REPS1: variants seen among roughly 807,000 people sequenced by gnomAD.
REPS1 encodes the protein ralBP1-associated Eps domain-containing protein 1.
A neutral mutation model predicts 100.9 loss-of-function variants in REPS1; 39 were observed. The observed-to-expected ratio is 0.39, with a 90% confidence interval of 0.30 to 0.50. The LOEUF (loss-of-function observed/expected upper bound fraction) is 0.50. Ranked by LOEUF, REPS1 falls within the 20% of genes least tolerant of loss-of-function variation. The pLI is 0.86. For synonymous variants in REPS1, 324 were observed against 340.3 expected (o/e 0.95, Z 0.53); for missense variants, 821 against 968.5 (o/e 0.85, Z 2.02).
chr6:138,984,241 A>C (rs937975034), intron 1 of REPS1, among the ~76,000 whole-genome samples: 1 of 151,792 alleles, frequency 6.6e-6, no homozygotes, highest in African/African-American at 2.4e-5. Context: ...GCGCCACCAC[A>C]TGCGGCTAAT....
At position 138,947,905 on chromosome 6, in the gene REPS1, C is replaced by G; in HGVS notation, c.162G>C (p.Glu54Asp). Reference sequence around the variant, plus strand: ...AACCAAGTCTTGTTGCACCACAAAGCTCCATGATCTATAAAATAACATAAT... The same window carrying G: ...AACCAAGTCTTGTTGCACCACAAAGGTCCATGATCTATAAAATAACATAAT... ...LPNDVVLQIMELCGATRLGYF... is the reference protein window; with the variant it reads ...LPNDVVLQIMDLCGATRLGYF... Residue 54 changes from glutamate (E) to aspartate (D), a missense_variant, in exon 2 of 20, where the codon GAG (glutamate) becomes GAC (aspartate). Physicochemically the swap from Glu to Asp is conservative, Grantham distance 45 (BLOSUM62 2). This residue lies in a region of REPS1 where 28 missense variants were observed against 65.3 expected (regional missense o/e 0.43). Coordinates refer to ENST00000450536, the MANE Select transcript of REPS1 (RefSeq NM_001286611.2). The G allele has an allele frequency of 1.3e-6, 2 of 1,590,532 alleles. No homozygotes were observed. The highest frequency in any genetic ancestry group is 1.7e-6 in the Non-Finnish European group (2 of 1,173,386).
intron 1 of REPS1, among the ~76,000 whole-genome samples, chr6:138,966,438 T>C (rs972847024): frequency 5.9e-5 from 9 of 152,136 alleles, no homozygotes; most frequent in African/African-American, 2.2e-4. Context: ...ATGACAAGCA[T>C]TAACTGTGCA....
At chr6:138,978,494 A>T (rs1429330403) in intron 1 of REPS1, among the ~76,000 whole-genome samples, 1 of 148,528 alleles carries the variant, frequency 6.7e-6, no homozygotes. Context: ...TTTTTTTTAC[A>T]GGCAGGGGTC....
chr6:138,941,525 C>A, intron 7 of REPS1, 36 bp from the exon 8 acceptor site: 1 of 1,575,672 alleles, frequency 6.3e-7, no homozygotes, highest in South Asian at 1.1e-5. Context: ...TAATCACATT[C>A]CGCTTTGGAT....
intron 6 of REPS1, 78 bp downstream of exon 6, chr6:138,943,775 A>G: frequency 7.7e-7 from 1 of 1,301,944 alleles, no homozygotes; most frequent in Non-Finnish European, 1.1e-6. Flanking sequence ...TCTATGACCA[A>G]TAAAACAATG....
chr6:138,917,768 T>C lies in REPS1; in HGVS notation c.1529-141A>G, dbSNP rs1257599901. 3 of 598,914 alleles carry C rather than the reference T, an allele frequency of 5.0e-6. No homozygotes were observed. In the African/African-American group the frequency reaches 5.6e-5, roughly 11 times the overall value. The allele number at this position is 598,914 out of a possible 1,614,324, so 37.1% of individuals were successfully genotyped here. Reference sequence around the variant, plus strand: ...CTAATAGGCTAACAGTTCATCCTAGTGTTATTAACTGTAAAAAATTAACTA... The same window carrying C: ...CTAATAGGCTAACAGTTCATCCTAGCGTTATTAACTGTAAAAAATTAACTA... On this transcript the variant is annotated intron_variant, in intron 12 of 19. Coordinates refer to ENST00000450536, the MANE Select transcript of REPS1 (RefSeq NM_001286611.2).
At chr6:138,913,707 T>C (rs1225525057) in intron 15 of REPS1, among the ~76,000 whole-genome samples, 1 of 152,254 alleles carries the variant, frequency 6.6e-6, no homozygotes, top group Non-Finnish European at 1.5e-5. Context: ...TACTACGATA[T>C]GGACAGCTTC....
At chr6:138,912,717 TG>T in intron 16 of REPS1, 47 bp downstream of exon 16, 1 of 1,551,544 alleles carries the variant, frequency 6.4e-7, no homozygotes, top group African/African-American at 1.4e-5. Context: ...CAACATGGTA[TG>T]GGAAGTGACT....
chr6:138,925,790 A>G (rs1781079133), intron 10 of REPS1, among the ~76,000 whole-genome samples: 1 of 152,220 alleles, frequency 6.6e-6, no homozygotes, highest in Admixed American at 6.5e-5. Flanking sequence ...AATTAACTCT[A>G]TGGGGACAGA....
At chr6:138,914,908 G>T in intron 14 of REPS1, 147 bp from the exon 15 acceptor site, 2 of 687,280 alleles carry the variant, frequency 2.9e-6, no homozygotes, top group Non-Finnish European at 4.9e-6. Context: ...TTGTTACATG[G>T]TCTGTATGTA....
intron 1 of REPS1, among the ~76,000 whole-genome samples, chr6:138,967,112 G>A (rs79414881): frequency 0.037 from 5,623 of 152,294 alleles, 333 homozygotes; most frequent in African/African-American, 0.13. Flanking sequence ...CCGCTCCTGC[G>A]CATGCAATTG....
At chr6:138,972,305 G>A (rs1784384705) in intron 1 of REPS1, among the ~76,000 whole-genome samples, 1 of 152,094 alleles carries the variant, frequency 6.6e-6, no homozygotes, top group Non-Finnish European at 1.5e-5. Context: ...AATAGATAAA[G>A]AACAAGTAAA....
At position 138,925,163 on chromosome 6, in the gene REPS1, T is replaced by C. The variant is rs548667389; in HGVS notation, c.1338+1238A>G. On this transcript the variant is annotated intron_variant, in intron 10 of 19. Transcript: ENST00000450536. The stretch of plus-strand genomic sequence containing the variant: ...GAGTTCAAGATCAGCCTGGCCAACA[T>C]GGTGAAACCCCGCCTCTACTAAAAA... Among the ~76,000 whole-genome samples, 5 of 148,784 alleles carry C rather than the reference T, an allele frequency of 3.4e-5. No individual in the cohort carries two copies. The East Asian group carries it at 9.9e-4, about 30-fold the overall frequency.
At chr6:138,918,226 C>T (rs912474448) in intron 12 of REPS1, among the ~76,000 whole-genome samples, 7 of 152,046 alleles carry the variant, frequency 4.6e-5, no homozygotes, top group Admixed American at 2.0e-4. Context: ...GCTGGGATTA[C>T]AGGTGTGAGC....
rs141210360 is a variant in REPS1 at position 138,961,550 on chromosome 6, T to C, written c.154-13637A>G. Reference sequence around the variant, plus strand: ...ATTCTTAAGTGAAACTGCTTGGCAGTCCAGCATACAATATTAGCACAGTCT... The same window carrying C: ...ATTCTTAAGTGAAACTGCTTGGCAGCCCAGCATACAATATTAGCACAGTCT... On this transcript the variant is annotated intron_variant, in intron 1 of 19. Coordinates refer to ENST00000450536, the MANE Select transcript of REPS1 (RefSeq NM_001286611.2). 1.6e-3 allele frequency among the ~76,000 whole-genome samples: 250 copies of C among 152,318 alleles called. 1 individual carries two copies. The Middle Eastern group carries it at 0.037, about 23-fold the overall frequency.
At chr6:138,931,768 G>GA (rs56990654) in intron 8 of REPS1, among the ~76,000 whole-genome samples, 15,280 of 150,912 alleles carry the variant, frequency 0.1, 1,287 homozygotes, top group African/African-American at 0.23. Context: ...TTTTCATTGG[G>GA]AAAAAAAAAT....
chr6:138,965,535 C>T (rs1783970961), intron 1 of REPS1, among the ~76,000 whole-genome samples: 4 of 152,040 alleles, frequency 2.6e-5, no homozygotes, highest in Admixed American at 2.0e-4. Context: ...TTAATTTGAT[C>T]ACTATCGTAT....
At chr6:138,936,369 C>T (rs1410180111) in intron 8 of REPS1, among the ~76,000 whole-genome samples, 2 of 152,092 alleles carry the variant, frequency 1.3e-5, no homozygotes. Context: ...TCTTTTAAAG[C>T]TCCTACTATT....
chr6:138,906,155 A>T (rs1779637126), intron 19 of REPS1, among the ~76,000 whole-genome samples: 1 of 152,234 alleles, frequency 6.6e-6, no homozygotes, highest in African/African-American at 2.4e-5. Flanking sequence ...CTTTAAGTTC[A>T]TTCTTCCTGT....
Sources: gnomAD v4.1 joint callset for allele counts (sites outside exome capture counted in the v4.1 genomes callset) on GRCh38, gnomAD v4.1.1 for gene constraint, gnomAD v4.1.1 regional missense constraint, MANE v1.5 for transcripts, NCBI Gene and HGNC (gene_info 2026-07-23, HGNC 2026-07-21) for gene names.